SOX5: variants seen among roughly 807,000 people sequenced by gnomAD.
SOX5 encodes the protein transcription factor SOX-5.
A neutral mutation model predicts 92.0 loss-of-function variants in SOX5; 9 were observed. The observed-to-expected ratio is 0.10, with a 90% confidence interval of 0.06 to 0.17. The LOEUF is 0.17. Ranked by LOEUF, SOX5 falls within the 10% of genes least tolerant of loss-of-function variation. SOX5 has a pLI of 1.00. For synonymous variants in SOX5, 344 were observed against 336.3 expected (o/e 1.02, Z -0.25); for missense variants, 642 against 944.5 (o/e 0.68, Z 4.20).
chr12:23,862,027 C>G (rs997750222), intron 2 of SOX5, among the ~76,000 whole-genome samples: 1 of 151,988 alleles, frequency 6.6e-6, no homozygotes, highest in East Asian at 1.9e-4. Context: ...TCCCTTGGTT[C>G]TAACAGAAGT....
At chr12:23,576,385 A>C (rs1252579674) in intron 9 of SOX5, among the ~76,000 whole-genome samples, 2 of 152,166 alleles carry the variant, frequency 1.3e-5, no homozygotes, top group African/African-American at 2.4e-5. Context: ...CTTTCTCCCT[A>C]GGTTTCACAG....
intron 1 of SOX5, among the ~76,000 whole-genome samples, chr12:24,392,111 A>G (rs1959050982): frequency 6.6e-6 from 1 of 152,184 alleles, no homozygotes; most frequent in African/African-American, 2.4e-5. Flanking sequence ...AAATGGGAGT[A>G]GATCACTTTT....
At chr12:24,223,966 A>G (rs1961208420) in intron 3 of SOX5, among the ~76,000 whole-genome samples, 1 of 152,162 alleles carries the variant, frequency 6.6e-6, no homozygotes, top group Non-Finnish European at 1.5e-5. Context: ...CAGTTAGCTA[A>G]AGAATTTAGA....
chr12:24,044,704 AATGC>A (rs1234538022), intron 4 of SOX5, among the ~76,000 whole-genome samples: 1 of 152,196 alleles, frequency 6.6e-6, no homozygotes, highest in Non-Finnish European at 1.5e-5. Flanking sequence ...GGATTTCTAC[AATGC>A]ATATTCCATA....
intron 4 of SOX5, among the ~76,000 whole-genome samples, chr12:24,194,416 G>GGTAGGTAGGTAGGTAT (rs374178385): frequency 2.1e-5 from 3 of 145,512 alleles, no homozygotes; most frequent in Non-Finnish European, 4.5e-5. Flanking sequence ...TAGGTAGGTA[G>GGTAGGTAGGTAGGTAT]GTAGGTAGGT....
chr12:23,698,567 T>C (rs934174964), intron 6 of SOX5, among the ~76,000 whole-genome samples: 37 of 152,182 alleles, frequency 2.4e-4, no homozygotes, highest in African/African-American at 8.0e-4. Context: ...CTCTTGAACA[T>C]AGTGAATATA....
intron 2 of SOX5, among the ~76,000 whole-genome samples, chr12:24,345,798 C>T (rs1367612800): frequency 2.0e-5 from 3 of 152,106 alleles, no homozygotes; most frequent in Admixed American, 6.5e-5. Context: ...GAAGCTTATC[C>T]GTACTTCACT....
chr12:23,863,994 T>G (rs2096785014), intron 2 of SOX5, among the ~76,000 whole-genome samples: 1 of 150,932 alleles, frequency 6.6e-6, no homozygotes, highest in Non-Finnish European at 1.5e-5. Context: ...TTTTTTTTTG[T>G]TAACAAATTG....
rs534335088 is a variant in SOX5 at position 23,703,014 on chromosome 12, G to A, written c.810+31670C>T. Among the ~76,000 whole-genome samples, 440 of 152,066 alleles carry A rather than the reference G, an allele frequency of 2.9e-3. 2 individuals are homozygous for A. The highest frequency in any genetic ancestry group is 7.0e-3 in the African/African-American group (292 of 41,520). On this transcript the variant is annotated intron_variant, in intron 6 of 14. Coordinates refer to ENST00000451604, the MANE Select transcript of SOX5 (RefSeq NM_006940.6). Reference sequence around the variant, plus strand: ...CTGAATCTTGTAAAGAGAACAAGATGGGCCCATATTAAAACTTTTAATGAC... The same window carrying A: ...CTGAATCTTGTAAAGAGAACAAGATAGGCCCATATTAAAACTTTTAATGAC...
intron 13 of SOX5, among the ~76,000 whole-genome samples, chr12:23,542,385 A>G (rs895190636): frequency 2.6e-5 from 4 of 152,194 alleles, no homozygotes; most frequent in African/African-American, 9.6e-5. Context: ...GACAGTGATG[A>G]ATGACAATGA....
intron 1 of SOX5, among the ~76,000 whole-genome samples, chr12:24,481,554 G>T (rs2137809118): frequency 6.6e-6 from 1 of 152,032 alleles, no homozygotes; most frequent in Non-Finnish European, 1.5e-5. Context: ...ATACTTACTA[G>T]GTACCCGCAA....
At chr12:23,942,193 A>G (rs1943776813) in intron 1 of SOX5, among the ~76,000 whole-genome samples, 2 of 151,810 alleles carry the variant, frequency 1.3e-5, no homozygotes, top group African/African-American at 4.8e-5. Flanking sequence ...CTCCTAGGTG[A>G]AGGAATATTT....
intron 2 of SOX5, among the ~76,000 whole-genome samples, chr12:23,849,122 T>G (rs767795794): frequency 2.0e-5 from 3 of 152,216 alleles, no homozygotes; most frequent in Non-Finnish European, 2.9e-5. Flanking sequence ...TAAGAAGAAT[T>G]AACTCATTTT....
chr12:24,344,281 CAAAAAAAAAAAAAA>C (rs61660537), intron 2 of SOX5, among the ~76,000 whole-genome samples: 22,453 of 105,080 alleles, frequency 0.21, 2,445 homozygotes, highest in South Asian at 0.46. Flanking sequence ...GACTCTGTCT[CAAAAAAAAAAAAAA>C]AAAAAAAAAA....
intron 4 of SOX5, among the ~76,000 whole-genome samples, chr12:24,064,192 T>A (rs1343052159): frequency 6.6e-6 from 1 of 152,206 alleles, no homozygotes; most frequent in Non-Finnish European, 1.5e-5. Flanking sequence ...CTAAGCTCCC[T>A]TGTGAGAAAC....
intron 4 of SOX5, among the ~76,000 whole-genome samples, chr12:23,999,958 A>G (rs1245687220): frequency 6.6e-6 from 1 of 151,930 alleles, no homozygotes; most frequent in Non-Finnish European, 1.5e-5. Flanking sequence ...TGCTATAAAG[A>G]TAATATAAAC....
In SOX5 at chr12:23,643,086, CAAAAAAAAAA is replaced by C. The variant is rs71444197; in HGVS notation, c.932-2199_932-2190del. On this transcript the variant is annotated intron_variant, in intron 7 of 14. Coordinates refer to ENST00000451604, the MANE Select transcript of SOX5 (RefSeq NM_006940.6). Reference sequence around the variant, plus strand: ...TGGGCGACAGAGCGAGACTCCGTCTCAAAAAAAAAAAAAAAAAAAAAAGGTAATTATGGTC... The same window carrying C: ...TGGGCGACAGAGCGAGACTCCGTCTCAAAAAAAAAAAAGGTAATTATGGTC... Among the ~76,000 whole-genome samples, 5 of 62,614 alleles carry C rather than the reference CAAAAAAAAAA, an allele frequency of 8.0e-5. 1 individual carries two copies. Among genetic ancestry groups the C allele is most frequent in the African/African-American group, 1.2e-4 (2 of 17,162 alleles). The allele number at this position is 62,614 out of a possible 152,430, so 41.1% of individuals were successfully genotyped here.
At chr12:24,298,253 C>T (rs367590576) in intron 2 of SOX5, among the ~76,000 whole-genome samples, 4 of 151,980 alleles carry the variant, frequency 2.6e-5, no homozygotes, top group Non-Finnish European at 5.9e-5. Flanking sequence ...TGTTTTCTGT[C>T]GAGAAAGGTT....
At chr12:24,466,649 T>G (rs1252599435) in intron 1 of SOX5, among the ~76,000 whole-genome samples, 1 of 152,164 alleles carries the variant, frequency 6.6e-6, no homozygotes, top group Admixed American at 6.5e-5. Flanking sequence ...CATTATGCAT[T>G]AGATCCTTTC....
Sources: allele counts gnomAD v4.1 joint callset (sites outside exome capture counted in the v4.1 genomes callset), GRCh38; gene constraint gnomAD v4.1.1; transcripts MANE v1.5; gene names NCBI Gene and HGNC (gene_info 2026-07-23, HGNC 2026-07-21).